ZFHX4: variants seen among roughly 807,000 people sequenced by gnomAD.
The protein encoded by ZFHX4 is zinc finger homeobox 4.
Under a neutral mutation model 267.6 loss-of-function variants are expected in ZFHX4, and 56 were observed. The ratio of observed to expected loss-of-function variants is 0.21; its 90% CI spans 0.17 to 0.26. ZFHX4 has a LOEUF of 0.26. ZFHX4 is among the 10% of genes least tolerant of loss of function. ZFHX4 has a pLI of 1.00. For missense variants in ZFHX4, 4,332 were observed against 4,420.0 expected (o/e 0.98, Z 0.56); for synonymous variants, 1,778 against 1,665.6 (o/e 1.07, Z -1.64).
rs559571105 is a variant in ZFHX4, at chr8:76,704,984, A to G, written c.896A>G (p.His299Arg). The G allele has an allele frequency of 1.2e-6, 2 of 1,613,974 alleles. No individual in the cohort carries two copies. Among genetic ancestry groups the G allele is most frequent in the Admixed American group, 1.7e-5 (1 of 60,014 alleles). ...AGGTCATTTGTAACCCATGCTGTGCATGATCATCGGATGACCCTCAATGAC... is the reference window on the plus strand; with the variant it reads ...AGGTCATTTGTAACCCATGCTGTGCGTGATCATCGGATGACCCTCAATGAC... ...YIRSFVTHAV[H>R]DHRMTLNDEE... The change falls in exon 2 of 11, where the codon CAT (histidine) becomes CGT (arginine). Residue 299 changes from histidine (H) to arginine (R), a missense_variant. Physicochemically the swap from His to Arg is conservative, Grantham distance 29. Coordinates refer to ENST00000651372, the MANE Select transcript of ZFHX4 (RefSeq NM_024721.5).
chr8:76,754,959 C>T (rs1458658685), intron 3 of ZFHX4, among the ~76,000 whole-genome samples: 1 of 152,130 alleles, frequency 6.6e-6, no homozygotes, highest in East Asian at 1.9e-4. Flanking sequence ...CACTCATTGC[C>T]AAATTGCCTT....
intron 3 of ZFHX4, among the ~76,000 whole-genome samples, chr8:76,760,829 G>A (rs1809890963): frequency 6.7e-6 from 1 of 149,932 alleles, no homozygotes; most frequent in Non-Finnish European, 1.5e-5. Context: ...TTGGGAAGCT[G>A]AAGTGGGAGA....
intron 3 of ZFHX4, among the ~76,000 whole-genome samples, chr8:76,762,006 T>G (rs1217874237): frequency 6.6e-6 from 1 of 152,152 alleles, no homozygotes; most frequent in East Asian, 1.9e-4. Context: ...AAAATCAAGA[T>G]TTTTAGAATG....
chr8:76,829,012 A>G (rs1306241481), intron 4 of ZFHX4, among the ~76,000 whole-genome samples: 4 of 152,152 alleles, frequency 2.6e-5, no homozygotes, highest in African/African-American at 9.7e-5. Context: ...GCAGGCAAAT[A>G]GTATTAGTAC....
rs1374142839 is a variant in ZFHX4 at position 76,865,433 on chromosome 8, A to G, written c.*868A>G. The G allele has an allele frequency of 6.6e-6, 1 of 152,600 alleles. No individual in the cohort carries two copies. Among genetic ancestry groups the G allele is most frequent in the Admixed American group, 6.6e-5 (1 of 15,250 alleles). 9.5% of individuals were successfully genotyped at this position (152,600 alleles called of 1,614,324 possible). Reference sequence around the variant, plus strand: ...GAATTTAATGCTATACTGTCAAGGTACTTGCTTGTGTCTGAACTCTAGTGC... The same window carrying G: ...GAATTTAATGCTATACTGTCAAGGTGCTTGCTTGTGTCTGAACTCTAGTGC... On this transcript the variant is annotated 3_prime_UTR_variant, in exon 11 of 11. Transcript: ENST00000651372.
chr8:76,704,206 C>T lies in ZFHX4; in HGVS notation c.118C>T (p.Pro40Ser), dbSNP rs1808179909. ...GCCAGAGAAAGTTGCAGGGATGGAG[C>T]CTGACAGGGAAAACAGCTCCACAGA... ...EVPEKVAGME[P>S]DRENSSTDDN... is the part of the protein sequence containing the mutation. The change falls in exon 2 of 11, where the codon CCT becomes TCT. Residue 40 changes from proline to serine, a missense_variant. Physicochemically the swap from Pro to Ser is moderately conservative, Grantham distance 74 (BLOSUM62 -1). This residue lies in a region of ZFHX4 where 1,195 missense variants were observed against 1,173.6 expected (regional missense o/e 1.02). Coordinates refer to ENST00000651372, the MANE Select transcript of ZFHX4 (RefSeq NM_024721.5). 1.2e-6 allele frequency: 2 copies of T among 1,613,930 alleles called. No individual in the cohort carries two copies. The highest frequency in any genetic ancestry group is 8.5e-7 in the Non-Finnish European group (1 of 1,179,890).
At position 76,817,397 on chromosome 8, in the gene ZFHX4, T is replaced by C. The variant is rs190435607; in HGVS notation, c.3326-15941T>C. 5.8e-3 allele frequency among the ~76,000 whole-genome samples: 886 copies of C among 152,286 alleles called. 7 individuals are homozygous for C. Among genetic ancestry groups the C allele is most frequent in the Non-Finnish European group, 9.1e-3 (618 of 68,002 alleles). On this transcript the variant is annotated intron_variant, in intron 4 of 10. Transcript: ENST00000651372. The stretch of plus-strand genomic sequence containing the variant: ...TTTTTTTTTGTCCAAATTCTCATAG[T>C]TCATAAAATTAAAAGTCAAGTTGAC...
chr8:76,730,270 C>T (rs1024542119), intron 3 of ZFHX4, among the ~76,000 whole-genome samples: 6 of 152,208 alleles, frequency 3.9e-5, no homozygotes, highest in African/African-American at 9.6e-5. Context: ...TTTGTGACCA[C>T]GTGAACAAAG....
Position 76,758,347 on chromosome 8 carries a change from G to A in ZFHX4, c.3094-19861G>A, listed in dbSNP as rs562164014. 7.2e-5 allele frequency among the ~76,000 whole-genome samples: 11 copies of A among 152,124 alleles called. No individual in the cohort carries two copies. The South Asian group carries it at 8.3e-4, about 11-fold the overall frequency. ...GATACCTCAAAATAAAGAAACATGC[G>A]TAAATGCATAAGTGATTTATAAACA... On this transcript the variant is annotated intron_variant, in intron 3 of 10. Coordinates refer to ENST00000651372, the MANE Select transcript of ZFHX4 (RefSeq NM_024721.5).
chr8:76,761,309 A>G lies in ZFHX4; in HGVS notation c.3094-16899A>G, dbSNP rs577956277. Among the ~76,000 whole-genome samples the G allele has an allele frequency of 2.6e-5, 4 of 152,324 alleles. No individual in the cohort carries two copies. In the East Asian group the frequency reaches 7.7e-4, roughly 29 times the overall value. On this transcript the variant is annotated intron_variant, in intron 3 of 10. Transcript: ENST00000651372. ...ACCACTTTGAAAAATTATATCACCA[A>G]TAGGTAGCCTCCTCATGAAATGTGA...
intron 3 of ZFHX4, among the ~76,000 whole-genome samples, chr8:76,755,113 T>A (rs563003986): frequency 3.7e-4 from 56 of 152,364 alleles, no homozygotes; most frequent in African/African-American, 1.3e-3. Flanking sequence ...TTTATTTAAC[T>A]AATAGGTCAA....
intron 1 of ZFHX4, among the ~76,000 whole-genome samples, chr8:76,689,209 T>C (rs1807765223): frequency 6.6e-6 from 1 of 152,154 alleles, no homozygotes; most frequent in Non-Finnish European, 1.5e-5. Flanking sequence ...TTAAGGTATT[T>C]CCATAAGAAA....
At chr8:76,821,740 G>C (rs574147724) in intron 4 of ZFHX4, among the ~76,000 whole-genome samples, 1 of 152,188 alleles carries the variant, frequency 6.6e-6, no homozygotes, top group South Asian at 2.1e-4. Context: ...AAGTTGGCCT[G>C]CTGTATTTTT....
At chr8:76,709,817 G>T (rs990330220) in intron 3 of ZFHX4, among the ~76,000 whole-genome samples, 4 of 150,894 alleles carry the variant, frequency 2.7e-5, no homozygotes, top group Non-Finnish European at 5.9e-5. Flanking sequence ...GTGTGTGTGT[G>T]TGTGTGTGTG....
At position 76,854,296 on chromosome 8, in the gene ZFHX4, A is replaced by T. The variant is rs1347625682; in HGVS notation, c.7375A>T (p.Ile2459Phe). 6.2e-7 allele frequency: 1 copy of T among 1,607,644 alleles called. No homozygotes were observed. Among genetic ancestry groups the T allele is most frequent in the Admixed American group, 1.7e-5 (1 of 58,498 alleles). The stretch of plus-strand genomic sequence containing the variant: ...ACAGCCACCAAAACAACCCCAACTT[A>T]TCGGAAGACCTCCCTCGGCCTCTCA... ...QPQPPKQPQL[I>F]GRPPSASQTP... Residue 2459 changes from isoleucine (I) to phenylalanine (F), a missense_variant, in exon 10 of 11, where the codon ATC becomes TTC. Ile to Phe is a conservative substitution (Grantham distance 21, BLOSUM62 0). Around this residue, in one of 7 missense-constraint regions of ZFHX4, gnomAD observed 1,648 missense variants for 1,625.0 expected, o/e 1.01. Coordinates refer to ENST00000651372, the MANE Select transcript of ZFHX4 (RefSeq NM_024721.5).
At chr8:76,859,419 C>T (rs1325703225) in intron 10 of ZFHX4, among the ~76,000 whole-genome samples, 1 of 151,722 alleles carries the variant, frequency 6.6e-6, no homozygotes, top group Non-Finnish European at 1.5e-5. Flanking sequence ...GGGAAAATGG[C>T]CATAGAATAT....
intron 6 of ZFHX4, 140 bp from the exon 7 acceptor site, chr8:76,848,855 A>G: frequency 1.3e-6 from 1 of 745,470 alleles, no homozygotes; most frequent in South Asian, 2.8e-5. Flanking sequence ...TTGCCTTTTG[A>G]GATTAGCATT....
chr8:76,689,879 T>A (rs1034634655), intron 1 of ZFHX4, among the ~76,000 whole-genome samples: 1 of 152,128 alleles, frequency 6.6e-6, no homozygotes, highest in Non-Finnish European at 1.5e-5. Flanking sequence ...ATCTCTAATA[T>A]AATTAACCAC....
rs752091298 is a variant in ZFHX4, at chr8:76,854,693, G to A, written c.7772G>A (p.Ser2591Asn). ...GACGATAAAGAAGATAATAATTGCA[G>A]TGAAAAAGAAGGAGGGAATAGCGGT... Reference protein sequence around the residue: ...KLDDKEDNNCSEKEGGNSGED... With the variant: ...KLDDKEDNNCNEKEGGNSGED... Residue 2591 changes from serine to asparagine, a missense_variant, in exon 10 of 11, where the codon AGT becomes AAT. Ser to Asn is a conservative substitution (Grantham distance 46). This residue lies in a region of ZFHX4 where 1,648 missense variants were observed against 1,625.0 expected (regional missense o/e 1.01). Transcript: ENST00000651372. The A allele has an allele frequency of 8.7e-6, 14 of 1,613,624 alleles. No individual in the cohort carries two copies. The highest frequency in any genetic ancestry group is 1.0e-5 in the Non-Finnish European group (12 of 1,179,862).
Sources: gnomAD v4.1 joint callset for allele counts (sites outside exome capture counted in the v4.1 genomes callset) on GRCh38, gnomAD v4.1.1 for gene constraint, gnomAD v4.1.1 regional missense constraint, MANE v1.5 for transcripts, NCBI Gene and HGNC (gene_info 2026-07-23, HGNC 2026-07-21) for gene names.